Variants in LSAMP observed in about 807,000 individuals in gnomAD.
LSAMP encodes the protein limbic system-associated membrane protein.
In LSAMP, 7 loss-of-function variants were observed where a neutral mutation model predicts 38.6. The observed-to-expected ratio is 0.18, with a 90% CI of 0.10 to 0.34. The LOEUF (loss-of-function observed/expected upper bound fraction) is 0.34. Among genes scored for constraint, LSAMP ranks in the 10% least tolerant of loss-of-function variants. The pLI, the probability that LSAMP is intolerant of heterozygous loss-of-function variation, is 1.00. For synonymous variants in LSAMP, 154 were observed against 166.8 expected (o/e 0.92, Z 0.59); for missense variants, 313 against 420.0 (o/e 0.75, Z 2.23).
chr3:116,061,018 A>G (rs1349763981), intron 2 of LSAMP, among the ~76,000 whole-genome samples: 1 of 152,142 alleles, frequency 6.6e-6, no homozygotes, highest in African/African-American at 2.4e-5. Context: ...TGAGAATATC[A>G]TCCTCAAGTT....
intron 3 of LSAMP, among the ~76,000 whole-genome samples, chr3:115,921,278 G>C (rs1206883289): frequency 2.0e-5 from 3 of 151,608 alleles, no homozygotes; most frequent in South Asian, 2.1e-4. Context: ...ATTTCTTCTT[G>C]TTGTTTTCCT....
chr3:116,105,824 A>G (rs1157859162), intron 1 of LSAMP, among the ~76,000 whole-genome samples: 1 of 152,044 alleles, frequency 6.6e-6, no homozygotes, highest in Non-Finnish European at 1.5e-5. Flanking sequence ...GAAAAATAAA[A>G]CAAAATAGTG....
rs779215922 is a variant in LSAMP, at chr3:115,933,101, G to A, written c.515-80484C>T. Among the ~76,000 whole-genome samples, 127 of 152,166 alleles carry A rather than the reference G, an allele frequency of 8.3e-4. 4 individuals carry two copies. The highest frequency in any genetic ancestry group is 3.9e-4 in the East Asian group (2 of 5,186). ...AGGAAGGTCGGAGCATAGACCTCGC[G>A]AAAGGGAGTGGTTTCACTCGACAAG... On this transcript the variant is annotated intron_variant, in intron 3 of 6. Coordinates refer to ENST00000490035, the MANE Select transcript of LSAMP (RefSeq NM_002338.5).
intron 3 of LSAMP, among the ~76,000 whole-genome samples, chr3:115,883,232 A>G (rs569353197): frequency 6.6e-6 from 1 of 152,112 alleles, no homozygotes; most frequent in Admixed American, 6.6e-5. Flanking sequence ...GTACATTGCC[A>G]TCTATTAGAA....
chr3:116,272,924 ATAAC>A (rs1261747192), intron 1 of LSAMP, among the ~76,000 whole-genome samples: 2 of 152,170 alleles, frequency 1.3e-5, no homozygotes, highest in African/African-American at 2.4e-5. Context: ...TTGGGCATAA[ATAAC>A]CTTTCAGAGT....
At chr3:115,994,768 C>T (rs781439342) in intron 3 of LSAMP, among the ~76,000 whole-genome samples, 4 of 152,016 alleles carry the variant, frequency 2.6e-5, no homozygotes, top group Non-Finnish European at 4.4e-5. Context: ...CTTTTCTTTT[C>T]GCTTTAATCT....
chr3:116,351,557 A>C (rs528599445), intron 1 of LSAMP, among the ~76,000 whole-genome samples: 1 of 135,568 alleles, frequency 7.4e-6, no homozygotes, highest in South Asian at 2.2e-4. Flanking sequence ...TTCCTTGTCA[A>C]CTCAATACAG....
At chr3:116,044,980 T>C (rs987239655) in intron 2 of LSAMP, among the ~76,000 whole-genome samples, 1 of 152,192 alleles carries the variant, frequency 6.6e-6, no homozygotes, top group Non-Finnish European at 1.5e-5. Context: ...CAGGCTGCCA[T>C]TTCTGAAAAA....
chr3:116,372,700 C>T (rs1425763064), intron 1 of LSAMP, among the ~76,000 whole-genome samples: 4 of 51,698 alleles, frequency 7.7e-5, no homozygotes, highest in Non-Finnish European at 1.7e-4. Context: ...GAATATTGCC[C>T]TTATTAAAAA....
intron 1 of LSAMP, among the ~76,000 whole-genome samples, chr3:116,243,667 T>C (rs1454617823): frequency 1.3e-5 from 2 of 152,170 alleles, no homozygotes; most frequent in African/African-American, 4.8e-5. Context: ...GCCATTCAAT[T>C]TGAAGAGAAT....
intron 1 of LSAMP, among the ~76,000 whole-genome samples, chr3:116,195,389 C>T (rs1710859211): frequency 6.6e-6 from 1 of 152,058 alleles, no homozygotes; most frequent in South Asian, 2.1e-4. Context: ...TTATTAAAAG[C>T]AATTTTAATA....
chr3:116,118,640 TAC>T (rs1708806510), intron 1 of LSAMP, among the ~76,000 whole-genome samples: 1 of 152,146 alleles, frequency 6.6e-6, no homozygotes, highest in African/African-American at 2.4e-5. Context: ...TGCTCAGGAT[TAC>T]AGAGTTAGCT....
chr3:116,371,359 G>T (rs2048427597), intron 1 of LSAMP, among the ~76,000 whole-genome samples: 1 of 151,844 alleles, frequency 6.6e-6, no homozygotes. Flanking sequence ...TTACCAAATA[G>T]AATTTATTCC....
At chr3:116,206,826 A>T (rs1380554590) in intron 1 of LSAMP, among the ~76,000 whole-genome samples, 1 of 151,330 alleles carries the variant, frequency 6.6e-6, no homozygotes, top group Non-Finnish European at 1.5e-5. Flanking sequence ...ACTTCCAAGT[A>T]TGTGGTCAAT....
At chr3:116,009,017 C>T (rs1940247395) in intron 3 of LSAMP, among the ~76,000 whole-genome samples, 1 of 152,202 alleles carries the variant, frequency 6.6e-6, no homozygotes, top group Non-Finnish European at 1.5e-5. Context: ...AGAGTCCAAC[C>T]TTGTAGCCAA....
chr3:115,965,451 G>A (rs1044126126), intron 3 of LSAMP, among the ~76,000 whole-genome samples: 1 of 151,738 alleles, frequency 6.6e-6, no homozygotes, highest in Admixed American at 6.6e-5. Flanking sequence ...TAACCATGGG[G>A]TGAAGAAGGA....
intron 1 of LSAMP, among the ~76,000 whole-genome samples, chr3:116,177,206 C>A (rs1165191891): frequency 6.6e-6 from 1 of 152,008 alleles, no homozygotes; most frequent in African/African-American, 2.4e-5. Context: ...TCTGTTAGGG[C>A]TTTATATAAC....
chr3:116,260,390 T>A (rs1225798192), intron 1 of LSAMP, among the ~76,000 whole-genome samples: 1 of 151,944 alleles, frequency 6.6e-6, no homozygotes, highest in Non-Finnish European at 1.5e-5. Flanking sequence ...TTTTTTAAAA[T>A]TTTCGAATAA....
chr3:116,296,639 G>A (rs1239567964), intron 1 of LSAMP, among the ~76,000 whole-genome samples: 2 of 138,568 alleles, frequency 1.4e-5, no homozygotes, highest in East Asian at 2.3e-4. Context: ...AGCTTGCAGT[G>A]AGCCCAGATT....
Sources: allele counts gnomAD v4.1 joint callset (sites outside exome capture counted in the v4.1 genomes callset), GRCh38; gene constraint gnomAD v4.1.1; transcripts MANE v1.5; gene names NCBI Gene and HGNC (gene_info 2026-07-23, HGNC 2026-07-21).